Variants in SNX9 observed in about 807,000 individuals in gnomAD.
SNX9 encodes the protein sorting nexin 9.
Under a neutral mutation model 89.4 loss-of-function variants are expected in SNX9, and 44 were observed. The ratio of observed to expected loss-of-function variants is 0.49; its 90% CI spans 0.39 to 0.63. SNX9 has a LOEUF of 0.63. SNX9 is among the 30% of genes least tolerant of loss of function. The pLI is 0.00. For missense variants in SNX9, 578 were observed against 736.1 expected, an observed-to-expected ratio of 0.79 and a Z score of 2.49; for synonymous variants, 236 against 247.8, an observed-to-expected ratio of 0.95 and a Z score of 0.45.
intron 3 of SNX9, among the ~76,000 whole-genome samples, chr6:157,873,923 C>T (rs1782468561): frequency 6.6e-6 from 1 of 152,126 alleles, no homozygotes; most frequent in Non-Finnish European, 1.5e-5. Flanking sequence ...ACCTGGCGCC[C>T]CCTGCTGGTT....
chr6:157,826,509 A>G (rs1275796157), intron 1 of SNX9, among the ~76,000 whole-genome samples: 2 of 151,014 alleles, frequency 1.3e-5, no homozygotes, highest in African/African-American at 4.9e-5. Flanking sequence ...CAAGAAAAAA[A>G]AAAAAAAAAG....
chr6:157,931,159 A>T (rs1440269967), intron 12 of SNX9, among the ~76,000 whole-genome samples: 1 of 152,156 alleles, frequency 6.6e-6, no homozygotes, highest in Non-Finnish European at 1.5e-5. Context: ...AAAATTCCTA[A>T]TGTGTAGAAT....
intron 1 of SNX9, among the ~76,000 whole-genome samples, chr6:157,857,320 T>G (rs1204150338): frequency 3.3e-5 from 5 of 152,198 alleles, no homozygotes; most frequent in Non-Finnish European, 7.3e-5. Context: ...AGGCCCATCT[T>G]GTATGTTTTA....
intron 4 of SNX9, among the ~76,000 whole-genome samples, chr6:157,878,271 A>C (rs951834517): frequency 2.0e-5 from 3 of 152,234 alleles, no homozygotes; most frequent in African/African-American, 7.2e-5. Flanking sequence ...GCTTGGCTGC[A>C]GTTTAGACTA....
At chr6:157,881,618 T>A (rs1782625090) in intron 4 of SNX9, among the ~76,000 whole-genome samples, 1 of 152,172 alleles carries the variant, frequency 6.6e-6, no homozygotes, top group Non-Finnish European at 1.5e-5. Flanking sequence ...AAATTAAAAG[T>A]AGTAGTCCAG....
At chr6:157,852,818 T>C (rs1386588297) in intron 1 of SNX9, among the ~76,000 whole-genome samples, 1 of 152,128 alleles carries the variant, frequency 6.6e-6, no homozygotes, top group Non-Finnish European at 1.5e-5. Flanking sequence ...GTGCGATCTG[T>C]CCACCTCGGC....
intron 1 of SNX9, among the ~76,000 whole-genome samples, chr6:157,831,350 C>T (rs750183113): frequency 4.7e-4 from 72 of 152,176 alleles, no homozygotes; most frequent in Admixed American, 2.6e-4. Context: ...ACATTACATC[C>T]TTGGAGTCAC....
intron 4 of SNX9, among the ~76,000 whole-genome samples, chr6:157,881,676 GAGA>G (rs1782625966): frequency 6.6e-6 from 1 of 152,208 alleles, no homozygotes; most frequent in African/African-American, 2.4e-5. Context: ...TGCTGATAAG[GAGA>G]AGGTTTGAGT....
rs1286819171 is a variant in SNX9 at position 157,928,577 on chromosome 6, T to C, written c.1185-22T>C. The C allele has an allele frequency of 4.4e-6, 7 of 1,581,790 alleles. No individual in the cohort carries two copies. In the South Asian group the frequency reaches 6.9e-5, roughly 16 times the overall value. On this transcript the variant is annotated intron_variant, in intron 11 of 17. Transcript: ENST00000392185. ...GTGCTGTTTCTCCTGCTTATGTGAC[T>C]GACGGCCGCCTTCACCCACAGAGAG... is the stretch of plus-strand genomic sequence containing the variant.
intron 7 of SNX9, among the ~76,000 whole-genome samples, chr6:157,908,998 C>T (rs982890341): frequency 6.6e-6 from 1 of 152,168 alleles, no homozygotes; most frequent in African/African-American, 2.4e-5. Flanking sequence ...ACATAGCAGT[C>T]CACGGAAGAA....
At chr6:157,883,873 T>C (rs1302555195) in intron 4 of SNX9, among the ~76,000 whole-genome samples, 2 of 152,266 alleles carry the variant, frequency 1.3e-5, no homozygotes. Flanking sequence ...TGCTTATTTG[T>C]AAATTGTTAA....
At chr6:157,942,060 G>T (rs1583252310) in intron 17 of SNX9, among the ~76,000 whole-genome samples, 1 of 152,198 alleles carries the variant, frequency 6.6e-6, no homozygotes, top group South Asian at 2.1e-4. Context: ...TCCAGGTATG[G>T]TATAGTGACA....
chr6:157,890,024 T>G (rs1297154943), intron 4 of SNX9, among the ~76,000 whole-genome samples: 1 of 152,154 alleles, frequency 6.6e-6, no homozygotes, highest in East Asian at 1.9e-4. Flanking sequence ...TAGTGGTAAG[T>G]GATAAAGCTG....
chr6:157,848,291 C>T (rs529715834), intron 1 of SNX9, among the ~76,000 whole-genome samples: 1 of 152,232 alleles, frequency 6.6e-6, no homozygotes, highest in East Asian at 1.9e-4. Context: ...TGGCTTTACC[C>T]ACCCAGAGAA....
Position 157,915,670 on chromosome 6 carries a change from C to A in SNX9, c.949+5645C>A, listed in dbSNP as rs200099064. On this transcript the variant is annotated intron_variant, in intron 9 of 17. Transcript: ENST00000392185. ...ATATATATATATACACACACACACA[C>A]AAAAATTAGCCAGGCGTGGTGGCAC... is the stretch of plus-strand genomic sequence containing the variant. Among the ~76,000 whole-genome samples, 723 of 115,296 alleles carry A rather than the reference C, an allele frequency of 6.3e-3. 1 individual carries two copies. The highest frequency in any genetic ancestry group is 0.011 in the East Asian group (48 of 4,250). 75.6% of individuals were successfully genotyped at this position (115,296 alleles called of 152,430 possible). A position where few individuals can be genotyped will look rare whatever the true frequency, so the allele number is the denominator to read the frequency against.
At chr6:157,906,742 G>C (rs1583229629) in intron 7 of SNX9, among the ~76,000 whole-genome samples, 1 of 152,186 alleles carries the variant, frequency 6.6e-6, no homozygotes, top group African/African-American at 2.4e-5. Flanking sequence ...CTTGGTTATT[G>C]CATAATGTGA....
intron 9 of SNX9, among the ~76,000 whole-genome samples, chr6:157,910,855 A>G (rs112704852): frequency 1.3e-5 from 2 of 152,180 alleles, no homozygotes; most frequent in African/African-American, 2.4e-5. Context: ...GTTGTGTGCC[A>G]GGTGCAGTGG....
In SNX9 at chr6:157,928,665, G is replaced by A; in HGVS notation, c.1251G>A (p.Leu417=). The change falls in exon 12 of 18, where the codon CTG becomes CTA. Residue 417 remains leucine (L), a synonymous_variant. Transcript: ENST00000392185. ...TGGATGACGGCGTGAAGGAGCTGCT[G>A]ACGGTGGGGCAGGAGCACTGGAAGC... ...KAMDDGVKEL[L]TVGQEHWKRC... is the part of the protein sequence containing the mutation. 1 of 1,610,584 alleles carries A rather than the reference G, an allele frequency of 6.2e-7. No individual in the cohort carries two copies. Among genetic ancestry groups the A allele is most frequent in the South Asian group, 1.1e-5 (1 of 90,350 alleles).
intron 7 of SNX9, among the ~76,000 whole-genome samples, chr6:157,906,542 A>G (rs1405322029): frequency 6.6e-6 from 1 of 152,210 alleles, no homozygotes; most frequent in Non-Finnish European, 1.5e-5. Flanking sequence ...ACTCAATTCA[A>G]ATATTTATGT....
Sources: allele counts gnomAD v4.1 joint callset (sites outside exome capture counted in the v4.1 genomes callset), GRCh38; gene constraint gnomAD v4.1.1; transcripts MANE v1.5; gene names NCBI Gene and HGNC (gene_info 2026-07-23, HGNC 2026-07-21).